The following DMD variants were observed in gnomAD, a reference collection of about 807,000 sequenced individuals.
DMD encodes the protein dystrophin, also known as mutant dystrophin.
DMD carries 63 observed loss-of-function variants against 330.1 expected under a neutral mutation model. The ratio of observed to expected loss-of-function variants is 0.19; its 90% CI spans 0.16 to 0.24. DMD has a LOEUF of 0.24. Among genes scored for constraint, DMD ranks in the 10% least tolerant of loss-of-function variants. DMD has a pLI of 1.00. For synonymous variants in DMD, 1,223 were observed against 959.8 expected, an observed-to-expected ratio of 1.27 and a Z score of -5.07; for missense variants, 3,344 against 2,684.1, an observed-to-expected ratio of 1.25 and a Z score of -5.43.
At chrX:32,733,238 C>T (rs1051686435) in intron 7 of DMD, among the ~76,000 whole-genome samples, 4 of 111,076 alleles carry the variant, frequency 3.6e-5, no homozygotes, top group Non-Finnish European at 7.5e-5. Context: ...ATGCACCCAA[C>T]AAAGGAGCAC....
intron 1 of DMD, among the ~76,000 whole-genome samples, chrX:33,327,030 T>C (rs927983151): frequency 8.9e-5 from 10 of 112,477 alleles, no homozygotes; most frequent in Non-Finnish European, 1.9e-4. Flanking sequence ...TAAAGCTTTA[T>C]ACATTTAAGG....
chrX:31,825,072 T>C (rs955041145), intron 49 of DMD, among the ~76,000 whole-genome samples: 1 of 111,929 alleles, frequency 8.9e-6, no homozygotes, highest in Admixed American at 9.5e-5. Context: ...TATTTTCCTG[T>C]CCTGACATCA....
chrX:33,315,896 G>A (rs2053925770), intron 1 of DMD, among the ~76,000 whole-genome samples: 1 of 109,511 alleles, frequency 9.1e-6, no homozygotes, highest in East Asian at 2.9e-4. Flanking sequence ...TTTGACCAGA[G>A]GACTAGTTTT....
chrX:33,015,921 CACA>C (rs1156377389), intron 2 of DMD, among the ~76,000 whole-genome samples: 1 of 110,567 alleles, frequency 9.0e-6, no homozygotes. Flanking sequence ...TGCAGGCCTC[CACA>C]ACAACTGTTT....
chrX:32,214,881 GTTAAACAACACAC>G (rs922337607), intron 44 of DMD, among the ~76,000 whole-genome samples: 2 of 111,689 alleles, frequency 1.8e-5, no homozygotes, highest in African/African-American at 6.5e-5. Context: ...CAAAGAAGCA[GTTAAACAACACAC>G]TTAATGAGGA....
intron 1 of DMD, among the ~76,000 whole-genome samples, chrX:33,258,609 G>A (rs73459956): frequency 4.3e-3 from 472 of 111,038 alleles, no homozygotes; most frequent in African/African-American, 0.015. Context: ...ATGGTAAAAC[G>A]ACTGGCAACA....
intron 62 of DMD, among the ~76,000 whole-genome samples, chrX:31,292,403 A>C (rs1275290363): frequency 8.9e-6 from 1 of 112,189 alleles, no homozygotes; most frequent in Non-Finnish European, 1.9e-5. Context: ...TTAAAATAAC[A>C]ATGAGATTCT....
chrX:33,194,784 T>C (rs73623921), intron 1 of DMD, among the ~76,000 whole-genome samples: 5,774 of 111,520 alleles, frequency 0.052, 380 homozygotes, highest in African/African-American at 0.18. Flanking sequence ...TGTGGATTTC[T>C]GTAATACTTT....
intron 44 of DMD, among the ~76,000 whole-genome samples, chrX:32,064,029 T>A (rs1177963613): frequency 9.0e-6 from 1 of 111,228 alleles, no homozygotes; most frequent in East Asian, 2.8e-4. Context: ...ATTACAAAGC[T>A]CAAAGTGGAG....
At chrX:31,569,575 A>G (rs1603384078) in intron 55 of DMD, among the ~76,000 whole-genome samples, 1 of 90,146 alleles carries the variant, frequency 1.1e-5, no homozygotes, top group Non-Finnish European at 2.2e-5. Context: ...ATATATGTGT[A>G]TATATATAAA....
Position 32,649,552 on chromosome X carries a change from T to A in DMD, c.961-4400A>T, listed in dbSNP as rs182537951. Among the ~76,000 whole-genome samples the A allele has an allele frequency of 1.0e-2, 704 of 70,699 alleles. 11 individuals carry two copies. The highest frequency in any genetic ancestry group is 0.064 in the African/African-American group (673 of 10,555). The allele number at this position is 70,699 out of a possible 115,157, so 61.4% of individuals were successfully genotyped here. ...GCCTGGGCAAAACAGCAAGACTCCG[T>A]CTCTTTTAAAAAAAAAAAAAAAAAA... On this transcript the variant is annotated intron_variant, in intron 9 of 78. Coordinates refer to ENST00000357033, the MANE Select transcript of DMD (RefSeq NM_004006.3).
In DMD at chrX:31,978,620, C is replaced by A. The variant is rs140689574; in HGVS notation, c.6439-10106G>T. Among the ~76,000 whole-genome samples, 478 of 111,850 alleles carry A rather than the reference C, an allele frequency of 4.3e-3. 1 individual carries two copies. Among genetic ancestry groups the A allele is most frequent in the African/African-American group, 0.015 (458 of 30,840 alleles). ...AACCTCATAGCATCCCTGAGAGATA[C>A]CTTTTTAGGCTTCTTACAATGACTT... On this transcript the variant is annotated intron_variant, in intron 44 of 78. Coordinates refer to ENST00000357033, the MANE Select transcript of DMD (RefSeq NM_004006.3).
chrX:31,544,769 T>C (rs894401939), intron 55 of DMD, among the ~76,000 whole-genome samples: 1 of 111,380 alleles, frequency 9.0e-6, no homozygotes, highest in Non-Finnish European at 1.9e-5. Flanking sequence ...GCCTCAGCCA[T>C]GAACCTAGCG....
At chrX:32,295,290 T>A (rs2097490982) in intron 42 of DMD, among the ~76,000 whole-genome samples, 1 of 111,793 alleles carries the variant, frequency 8.9e-6, no homozygotes, top group Admixed American at 9.5e-5. Flanking sequence ...TGATTCACAG[T>A]CTCCAATAAG....
chrX:31,987,364 A>G (rs1322954140), intron 44 of DMD, among the ~76,000 whole-genome samples: 1 of 111,634 alleles, frequency 9.0e-6, no homozygotes, highest in African/African-American at 3.3e-5. Flanking sequence ...AATAGTCTCC[A>G]TACTATGCAA....
chrX:33,056,818 T>C (rs1384511755), intron 1 of DMD, among the ~76,000 whole-genome samples: 1 of 111,682 alleles, frequency 9.0e-6, no homozygotes, highest in Non-Finnish European at 1.9e-5. Context: ...TACAGTATCC[T>C]GTAACGAATC....
intron 44 of DMD, among the ~76,000 whole-genome samples, chrX:32,080,283 G>A (rs2096382429): frequency 8.9e-6 from 1 of 112,267 alleles, no homozygotes; most frequent in Non-Finnish European, 1.9e-5. Context: ...ACCTCCTTCT[G>A]TAATCACAGT....
At chrX:31,177,829 C>T in intron 71 of DMD, 103 bp downstream of exon 71, 1 of 798,665 alleles carries the variant, frequency 1.3e-6, no homozygotes, top group Non-Finnish European at 1.8e-6. Context: ...GTCCATAAAA[C>T]AAAACAAAAC....
intron 49 of DMD, among the ~76,000 whole-genome samples, chrX:31,821,300 G>A (rs2092751969): frequency 8.9e-6 from 1 of 112,541 alleles, no homozygotes; most frequent in Admixed American, 9.4e-5. Context: ...ATACTGGGTG[G>A]AGCCCAATAA....
Sources: gnomAD v4.1 joint callset for allele counts (sites outside exome capture counted in the v4.1 genomes callset) on GRCh38, gnomAD v4.1.1 for gene constraint, MANE v1.5 for transcripts, NCBI Gene and HGNC (gene_info 2026-07-23, HGNC 2026-07-21) for gene names.